Variants in CSF2RA observed in about 807,000 individuals in gnomAD.
The protein encoded by CSF2RA is colony stimulating factor 2 receptor subunit alpha, also known as granulocyte-macrophage colony-stimulating factor receptor subunit alpha.
CSF2RA carries 42 observed loss-of-function variants against 51.6 expected under a neutral mutation model. The ratio of observed to expected loss-of-function variants is 0.81; its 90% CI spans 0.64 to 1.05. CSF2RA has a LOEUF of 1.05. Among genes scored for constraint, CSF2RA ranks in the 50% least tolerant of loss-of-function variants. The pLI, the probability that CSF2RA is intolerant of heterozygous loss-of-function variation, is 0.00. For missense variants in CSF2RA, 530 were observed against 501.1 expected (o/e 1.06, Z -0.55); for synonymous variants, 222 against 193.0 (o/e 1.15, Z -1.24).
the CSF2RA span, among the ~76,000 whole-genome samples, chrX:1,316,120 CAT>C: frequency 2.3e-5 from 3 of 133,308 alleles, no homozygotes; most frequent in African/African-American, 7.9e-5. Context: ...TACATAGATA[CAT>C]AGACAGATAC....
intron 12 of CSF2RA, among the ~76,000 whole-genome samples, chrX:1,307,679 C>T (rs1391759178): frequency 6.9e-6 from 1 of 145,330 alleles, no homozygotes; most frequent in African/African-American, 2.5e-5. Context: ...CCCTTTATAC[C>T]TTCGACTGAT....
chrX:1,309,312 C>A, intron 12 of CSF2RA, 90 bp from the exon 13 acceptor site: 2 of 1,349,836 alleles, frequency 1.5e-6, no homozygotes, highest in South Asian at 1.2e-5. Context: ...GAGACTCCGT[C>A]TCGAGGGAGA....
chrX:1,283,500 T>C (rs2090298063), intron 3 of CSF2RA, among the ~76,000 whole-genome samples: 1 of 146,606 alleles, frequency 6.8e-6, no homozygotes, highest in Non-Finnish European at 1.5e-5. Context: ...CTTTCTTTCT[T>C]TCTCCTTTTT....
At chrX:1,282,843 A>T in intron 3 of CSF2RA, 64 bp downstream of exon 3, 1 of 1,360,546 alleles carries the variant, frequency 7.3e-7, no homozygotes, top group South Asian at 1.2e-5. Context: ...GCATCTGGAG[A>T]CCCATCTGGA....
chrX:1,277,318 C>T (rs2089304470), intron 2 of CSF2RA, among the ~76,000 whole-genome samples: 1 of 151,806 alleles, frequency 6.6e-6, no homozygotes. Flanking sequence ...TTCAGGGCGG[C>T]CGGGCGCTGT....
rs746184258 is a variant in CSF2RA, at chrX:1,285,795, C to A, written c.94C>A (p.Pro32Thr). The A allele has an allele frequency of 6.2e-7, 1 of 1,613,042 alleles. No homozygotes were observed. The highest frequency in any genetic ancestry group is 1.1e-5 in the South Asian group (1 of 91,022). ...CCTTGCAGATCTGCGAACAGTGGCA[C>A]CAGCCTCTAGTCTCAATGTGAGGTT... ...PEKSDLRTVA[P>T]ASSLNVRFDS... is the part of the protein sequence containing the mutation. The change falls in exon 4 of 13, where the codon CCA becomes ACA. Residue 32 changes from proline to threonine, a missense_variant. Coordinates refer to ENST00000381529, the MANE Select transcript of CSF2RA (RefSeq NM_172245.4).
intron 2 of CSF2RA, among the ~76,000 whole-genome samples, chrX:1,278,481 T>G (rs28811084): frequency 0.67 from 93,637 of 140,552 alleles, 29,842 homozygotes; most frequent in Non-Finnish European, 0.73. Flanking sequence ...GAGGTCAGGA[T>G]TTCGAGACCA....
chrX:1,306,545 G>T (rs1480817363), intron 12 of CSF2RA, among the ~76,000 whole-genome samples: 2 of 151,940 alleles, frequency 1.3e-5, no homozygotes, highest in African/African-American at 4.8e-5. Flanking sequence ...TACTCTGGAG[G>T]CTGAGGCAGG....
chrX:1,271,536 A>G (rs1186708953), intron 1 of CSF2RA, among the ~76,000 whole-genome samples: 1 of 148,834 alleles, frequency 6.7e-6, no homozygotes, highest in East Asian at 2.0e-4. Context: ...ATTTTTTTGG[A>G]GACAGTATCT....
At position 1,288,573 on chromosome X, in the gene CSF2RA, G is replaced by A. The variant is rs1429016805; in HGVS notation, c.274G>A (p.Val92Ile). 6 of 1,613,830 alleles carry A rather than the reference G, an allele frequency of 3.7e-6. No individual in the cohort carries two copies. The highest frequency in any genetic ancestry group is 5.1e-6 in the Non-Finnish European group (6 of 1,179,870). The change falls in exon 5 of 13, where the codon GTC becomes ATC. Residue 92 changes from valine (V) to isoleucine (I), a missense_variant. Transcript: ENST00000381529. ...TCGTGAAATTTGTCTGCATGAAGGA[G>A]TCACATTTGAGGTTCACGTGAATAC... ...TFREICLHEG[V>I]TFEVHVNTSQ...
At chrX:1,277,621 G>A (rs1473204057) in intron 2 of CSF2RA, among the ~76,000 whole-genome samples, 2 of 142,446 alleles carry the variant, frequency 1.4e-5, no homozygotes, top group Non-Finnish European at 3.1e-5. Flanking sequence ...AAAAAAATTC[G>A]GGGTGAGTCA....
chrX:1,312,856 G>A (rs1344030897), downstream of CSF2RA, among the ~76,000 whole-genome samples: 18 of 151,968 alleles, frequency 1.2e-4, no homozygotes, highest in Non-Finnish European at 2.1e-4. Context: ...GCAGCCTTCC[G>A]GAACCTTCTA....
At chrX:1,282,871 A>C (rs2090203363) in intron 3 of CSF2RA, 92 bp downstream of exon 3, 20 of 1,080,192 alleles carry the variant, frequency 1.9e-5, no homozygotes, top group Non-Finnish European at 2.7e-5. Context: ...GTCCATCTGC[A>C]TTTCATCTCT....
chrX:1,280,678 CCTT>C (rs1309362955), intron 2 of CSF2RA, among the ~76,000 whole-genome samples: 97 of 147,330 alleles, frequency 6.6e-4, no homozygotes, highest in African/African-American at 2.2e-3. Flanking sequence ...TCCTCCTCCT[CCTT>C]CTTCTTCTCT....
chrX:1,290,519 A>G lies in CSF2RA; in HGVS notation c.646+10A>G. The G allele has an allele frequency of 6.2e-7, 1 of 1,612,704 alleles. No homozygotes were observed. Among genetic ancestry groups the G allele is most frequent in the Non-Finnish European group, 8.5e-7 (1 of 1,178,768 alleles). On this transcript the variant is annotated intron_variant, in intron 7 of 12. Transcript: ENST00000381529. ...GACACAAAGAAAATAGGTGAGAATAACACATATGATTTTCCTATTGTTTAT... is the reference window on the plus strand; with the variant it reads ...GACACAAAGAAAATAGGTGAGAATAGCACATATGATTTTCCTATTGTTTAT...
rs371114263 is a variant in CSF2RA at position 1,279,913 on chromosome X, C to A, written c.-26-2765C>A. 3.6e-4 allele frequency among the ~76,000 whole-genome samples: 55 copies of A among 152,048 alleles called. 1 individual carries two copies. Among genetic ancestry groups the A allele is most frequent in the African/African-American group, 1.3e-3 (53 of 41,506 alleles). ...CAAGCGATTCTCCTGCCTCAACCTC[C>A]CGAGTAGCTGGGATTACAGGCACCC... On this transcript the variant is annotated intron_variant, in intron 2 of 12. Coordinates refer to ENST00000381529, the MANE Select transcript of CSF2RA (RefSeq NM_172245.4).
intron 9 of CSF2RA, among the ~76,000 whole-genome samples, chrX:1,295,783 A>C (rs2091884440): frequency 6.7e-6 from 1 of 148,926 alleles, no homozygotes; most frequent in African/African-American, 2.5e-5. Flanking sequence ...TCCCACAACC[A>C]CCTGGACCCC....
the CSF2RA span, among the ~76,000 whole-genome samples, chrX:1,319,777 A>C: frequency 0.25 from 36,351 of 146,706 alleles, 5,498 homozygotes; most frequent in Admixed American, 0.27. Context: ...TGCAGGGGCA[A>C]AATCTTGGCT....
At position 1,284,195 on chromosome X, in the gene CSF2RA, CTTTTTTTTTTTT is replaced by C. The variant is rs752104115; in HGVS notation, c.76+1431_76+1442del. On this transcript the variant is annotated intron_variant, in intron 3 of 12. Transcript: ENST00000381529. ...CAAGCGGTTTTCTTTCTCTGTCTCT[CTTTTTTTTTTTT>C]TTTTTTTTTTTTTTGAGACAGGATC... Among the ~76,000 whole-genome samples, 266 of 91,796 alleles carry C rather than the reference CTTTTTTTTTTTT, an allele frequency of 2.9e-3. 10 individuals are homozygous for C. In the South Asian group the frequency reaches 0.1, roughly 36 times the overall value. 60.2% of individuals were successfully genotyped at this position (91,796 alleles called of 152,430 possible). A position where few individuals can be genotyped will look rare whatever the true frequency, so the allele number is the denominator to read the frequency against.
Sources: gnomAD v4.1 joint callset for allele counts (sites outside exome capture counted in the v4.1 genomes callset) on GRCh38, gnomAD v4.1.1 for gene constraint, MANE v1.5 for transcripts, NCBI Gene and HGNC (gene_info 2026-07-23, HGNC 2026-07-21) for gene names.